The following TMEM184A variants were observed in gnomAD, a reference collection of about 807,000 sequenced individuals.
The protein encoded by TMEM184A is sexually dimorphic, expressed in male gonads 1.
In TMEM184A, 40 loss-of-function variants were observed where a neutral mutation model predicts 39.5. That is an observed-to-expected ratio of 1.01 (90% confidence interval 0.79 to 1.32). The LOEUF is 1.32. Ranked by LOEUF, TMEM184A falls within the 40% of genes most tolerant of loss-of-function variation. The probability of loss-of-function intolerance (pLI) is 0.00; values close to 1 mark genes in which losing one functional copy is unlikely to be tolerated. For synonymous variants in TMEM184A, 280 were observed against 252.3 expected, an observed-to-expected ratio of 1.11 and a Z score of -1.04; for missense variants, 603 against 568.8, an observed-to-expected ratio of 1.06 and a Z score of -0.61.
At position 1,550,995 on chromosome 7, in the gene TMEM184A, G is replaced by A; in HGVS notation, c.220-13C>T. 11 of 1,607,474 alleles carry A rather than the reference G, an allele frequency of 6.8e-6. No homozygotes were observed. The highest frequency in any genetic ancestry group is 9.3e-6 in the Non-Finnish European group (11 of 1,177,636). On this transcript the variant is annotated splice_polypyrimidine_tract_variant and intron_variant, in intron 2 of 8. Coordinates refer to ENST00000297477, the MANE Select transcript of TMEM184A (RefSeq NM_001097620.2). ...GGTGCAGATAGATCTGGGCGCAGGA[G>A]GGGTCGCATGAGAGCCGGGCCCGCC...
At chr7:1,549,794 C>T (rs895286356) in intron 6 of TMEM184A, 60 bp downstream of exon 6, 37 of 1,473,734 alleles carry the variant, frequency 2.5e-5, no homozygotes, top group African/African-American at 8.5e-5. Flanking sequence ...GCCCCACTCC[C>T]GGGCCCCGGG....
At chr7:1,551,497 T>C (rs2128555000) in intron 2 of TMEM184A, among the ~76,000 whole-genome samples, 1 of 152,366 alleles carries the variant, frequency 6.6e-6, no homozygotes, top group East Asian at 1.9e-4. Context: ...GGCATCCTTA[T>C]TACAATTAGA....
intron 2 of TMEM184A, among the ~76,000 whole-genome samples, chr7:1,554,510 C>T (rs577780020): frequency 1.5e-4 from 23 of 152,168 alleles, no homozygotes; most frequent in Admixed American, 7.2e-4. Context: ...GGCCTACACA[C>T]GCACTCCCAC....
At chr7:1,550,469 G>T in intron 3 of TMEM184A, 74 bp from the exon 4 acceptor site, 1 of 1,304,754 alleles carries the variant, frequency 7.7e-7, no homozygotes, top group South Asian at 1.3e-5. Context: ...CATCTCACCA[G>T]GGCAGGAGGA....
At chr7:1,552,616 T>C (rs1474888024) in intron 2 of TMEM184A, among the ~76,000 whole-genome samples, 1 of 151,916 alleles carries the variant, frequency 6.6e-6, no homozygotes, top group African/African-American at 2.4e-5. Flanking sequence ...TCAGCAGGCG[T>C]TTCTAGAGCC....
rs1198972588 is a variant in TMEM184A at position 1,543,253 on chromosome 7, TCA to T, written c.*3697_*3698del. The T allele has an allele frequency of 6.6e-6, 1 of 152,310 alleles. No homozygotes were observed. The highest frequency in any genetic ancestry group is 2.4e-5 in the African/African-American group (1 of 41,448). 9.4% of individuals were successfully genotyped at this position (152,310 alleles called of 1,614,324 possible). ...CTGGTCAGGTGACCACGTCCTGGGC[TCA>T]GTCTCTGAGGGTCAGGCCGCAGTCC... On this transcript the variant is annotated 3_prime_UTR_variant, in exon 9 of 9. Coordinates refer to ENST00000297477, the MANE Select transcript of TMEM184A (RefSeq NM_001097620.2).
At chr7:1,554,432 T>C (rs961168470) in intron 2 of TMEM184A, among the ~76,000 whole-genome samples, 3 of 152,134 alleles carry the variant, frequency 2.0e-5, no homozygotes, top group African/African-American at 7.2e-5. Flanking sequence ...CAGCACCCCC[T>C]GAAAGCCACC....
intron 2 of TMEM184A, among the ~76,000 whole-genome samples, chr7:1,553,529 G>A (rs891335468): frequency 6.6e-6 from 1 of 152,192 alleles, no homozygotes; most frequent in Non-Finnish European, 1.5e-5. Context: ...CTGGGAGCTG[G>A]GCGCACAGGG....
intron 5 of TMEM184A, 33 bp from the exon 6 acceptor site, chr7:1,549,978 C>A: frequency 2.5e-6 from 4 of 1,608,942 alleles, no homozygotes; most frequent in South Asian, 1.1e-5. Context: ...GGCCTGGGGC[C>A]AGGTCCCCCA....
intron 6 of TMEM184A, 172 bp from the exon 7 acceptor site, chr7:1,548,860 G>A (rs532400138): frequency 5.0e-5 from 42 of 844,302 alleles, no homozygotes; most frequent in Middle Eastern, 4.4e-4. Context: ...GCAGGAGAGC[G>A]TGGGGAGCTG....
intron 8 of TMEM184A, 32 bp from the exon 9 acceptor site, chr7:1,547,213 C>A (rs1041166932): frequency 7.9e-7 from 1 of 1,272,534 alleles, no homozygotes; most frequent in East Asian, 2.3e-5. Flanking sequence ...GCCCCACCAT[C>A]CCCCCTGCAC....
chr7:1,548,731 C>T lies in TMEM184A; in HGVS notation c.645-43G>A, dbSNP rs376914923. 533 of 1,598,646 alleles carry T rather than the reference C, an allele frequency of 3.3e-4. 3 individuals are homozygous for T. The African/African-American group carries it at 6.5e-3, about 20-fold the overall frequency. On this transcript the variant is annotated intron_variant, in intron 6 of 8. Transcript: ENST00000297477. ...TGTGGTCAGGGCGGTCCCATGACCCCGCCACTGTCCCCACCCTAGAGCCAC... is the reference window on the plus strand; with the variant it reads ...TGTGGTCAGGGCGGTCCCATGACCCTGCCACTGTCCCCACCCTAGAGCCAC...
Position 1,550,355 on chromosome 7 carries a change from G to A in TMEM184A, c.426C>T (p.Tyr142=), listed in dbSNP as rs1162092190. The A allele has an allele frequency of 8.7e-6, 14 of 1,612,938 alleles. No homozygotes were observed. The South Asian group carries it at 9.9e-5, about 11-fold the overall frequency. The change falls in exon 4 of 9, where the codon TAC becomes TAT. Residue 142 remains tyrosine, a synonymous_variant. Transcript: ENST00000297477. ...IYSFLSLCFQ[Y]LGGEGAIMAE... is the part of the protein sequence containing the mutation. ...CCATGATGGCGCCCTCGCCTCCCAG[G>A]TACTGGAAACACAGGCTCAGGAAGC...
rs373258611 is a variant in TMEM184A at position 1,547,782 on chromosome 7, G to A, written c.972C>T (p.Phe324=). 438 of 1,612,944 alleles carry A rather than the reference G, an allele frequency of 2.7e-4. No individual in the cohort carries two copies. The highest frequency in any genetic ancestry group is 3.5e-4 in the Non-Finnish European group (415 of 1,179,906). ...TCTTCTCTGCGTACACCTGGCAGGG[G>A]AAGGCATAACGCAGGGCCACGGAGG... The part of the protein sequence containing the change: ...LFASVALRYA[F]PCQVYAEKKE... The change falls in exon 8 of 9, where the codon TTC becomes TTT. Residue 324 remains phenylalanine (F), a synonymous_variant. Transcript: ENST00000297477.
At chr7:1,551,805 C>T (rs1161461883) in intron 2 of TMEM184A, among the ~76,000 whole-genome samples, 2 of 151,878 alleles carry the variant, frequency 1.3e-5, no homozygotes, top group Non-Finnish European at 2.9e-5. Context: ...GGCATGGTGG[C>T]GCGCGCCTGT....
chr7:1,543,813 T>G lies in TMEM184A; in HGVS notation c.*3139A>C, dbSNP rs917507420. 1.3e-5 allele frequency: 2 copies of G among 151,968 alleles called. No homozygotes were observed. The highest frequency in any genetic ancestry group is 6.6e-5 in the Admixed American group (1 of 15,248). 9.4% of individuals were successfully genotyped at this position (151,968 alleles called of 1,614,324 possible). On this transcript the variant is annotated 3_prime_UTR_variant, in exon 9 of 9. Coordinates refer to ENST00000297477, the MANE Select transcript of TMEM184A (RefSeq NM_001097620.2). Reference sequence around the variant, plus strand: ...CCAGCTAATTTTTGTATTTTTTTTTTGTAGAGATGGGGTTTCACCATGTTG... The same window carrying G: ...CCAGCTAATTTTTGTATTTTTTTTTGGTAGAGATGGGGTTTCACCATGTTG...
chr7:1,547,172 G>GC lies in TMEM184A; in HGVS notation c.1021dup (p.Ala341GlyfsTer83). Reference sequence around the variant, plus strand: ...GCCGCTGGAGATGCTCTGCATGGGTGCCGGGGGGGCTGGGGGAGGGCAGTG... The same window carrying GC: ...GCCGCTGGAGATGCTCTGCATGGGTGCCCGGGGGGGCTGGGGGAGGGCAGTG... On this transcript the variant is annotated frameshift_variant, in exon 9 of 9. Coordinates refer to ENST00000297477, the MANE Select transcript of TMEM184A (RefSeq NM_001097620.2). LOFTEE classifies it low-confidence loss of function (END_TRUNC). 5 of 1,597,134 alleles carry GC rather than the reference G, an allele frequency of 3.1e-6. No individual in the cohort carries two copies. The highest frequency in any genetic ancestry group is 1.1e-5 in the South Asian group (1 of 90,682).
chr7:1,547,902 G>A lies in TMEM184A; in HGVS notation c.852C>T (p.Ile284=), dbSNP rs1407573024. 1.3e-6 allele frequency: 2 copies of A among 1,591,124 alleles called. No homozygotes were observed. The highest frequency in any genetic ancestry group is 2.3e-5 in the South Asian group (2 of 87,998). ...TCCCGCCGCTGGTCTCCACCTCCGG[G>A]ATGACCCCGCACCGCTCCAGGATGG... ...LLAILERCGV[I]PEVETSGGNK... is the part of the protein sequence containing the mutation. Residue 284 remains isoleucine, a synonymous_variant, in exon 8 of 9, where the codon ATC becomes ATT. Transcript: ENST00000297477.
At chr7:1,553,323 T>C (rs1784678335) in intron 2 of TMEM184A, among the ~76,000 whole-genome samples, 1 of 151,830 alleles carries the variant, frequency 6.6e-6, no homozygotes, top group South Asian at 2.1e-4. Flanking sequence ...CGGCTAATTT[T>C]TGTATTTTTA....
Sources: gnomAD v4.1 joint callset for allele counts (sites outside exome capture counted in the v4.1 genomes callset) on GRCh38, gnomAD v4.1.1 for gene constraint, MANE v1.5 for transcripts, NCBI Gene and HGNC (gene_info 2026-07-23, HGNC 2026-07-21) for gene names.